PHF3: variants seen among roughly 807,000 people sequenced by gnomAD.
PHF3 encodes the protein PHD finger protein 3.
In PHF3, 41 loss-of-function variants were observed where a neutral mutation model predicts 178.4. That is an observed-to-expected ratio of 0.23 (90% CI 0.18 to 0.30). The LOEUF (loss-of-function observed/expected upper bound fraction) is 0.30. Among genes scored for constraint, PHF3 ranks in the 10% least tolerant of loss-of-function variants. The pLI is 1.00. For missense variants in PHF3, 2,346 were observed against 2,398.1 expected, an observed-to-expected ratio of 0.98 and a Z score of 0.45; for synonymous variants, 842 against 800.5, an observed-to-expected ratio of 1.05 and a Z score of -0.88.
chr6:63,710,503 G>GA (rs910881866), intron 14 of PHF3, among the ~76,000 whole-genome samples: 12 of 151,806 alleles, frequency 7.9e-5, no homozygotes, highest in African/African-American at 2.4e-4. Flanking sequence ...ATACCATCAT[G>GA]AAAAAAAACA....
chr6:63,684,935 G>A lies in PHF3; in HGVS notation c.1213G>A (p.Ala405Thr), dbSNP rs752653189. Residue 405 changes from alanine (A) to threonine (T), a missense_variant, in exon 4 of 16, where the codon GCG becomes ACG. Transcript: ENST00000262043. ...TGAACCGTTGGGTTATTGTGAAGAT[G>A]CGGAGTCTAATAGGCAGTTGGAGAG... is the stretch of plus-strand genomic sequence containing the variant. ...KIEPLGYCED[A>T]ESNRQLESTE... is the part of the protein sequence containing the mutation. The A allele has an allele frequency of 1.2e-6, 2 of 1,614,086 alleles. No homozygotes were observed. Among genetic ancestry groups the A allele is most frequent in the South Asian group, 2.2e-5 (2 of 91,078 alleles).
At chr6:63,670,930 AAT>A (rs1462913191) in intron 2 of PHF3, among the ~76,000 whole-genome samples, 1 of 152,158 alleles carries the variant, frequency 6.6e-6, no homozygotes, top group African/African-American at 2.4e-5. Flanking sequence ...TACTGAAAAA[AAT>A]ATGTGATTCT....
At chr6:63,710,400 G>GAGAT (rs143675274) in intron 14 of PHF3, among the ~76,000 whole-genome samples, 1,800 of 152,214 alleles carry the variant, frequency 0.012, 28 homozygotes, top group African/African-American at 0.042. Context: ...CATTTTATAA[G>GAGAT]AGAGTCATAT....
intron 2 of PHF3, among the ~76,000 whole-genome samples, chr6:63,657,886 T>G (rs1468188736): frequency 1.3e-5 from 2 of 152,186 alleles, no homozygotes; most frequent in South Asian, 4.1e-4. Context: ...TCTAGTCAAG[T>G]TTTGCTGTGG....
Position 63,720,626 on chromosome 6 carries a change from A to T in PHF3, c.*6918A>T, listed in dbSNP as rs137853190. 19 of 1,507,130 alleles carry T rather than the reference A, an allele frequency of 1.3e-5. No individual in the cohort carries two copies. The highest frequency in any genetic ancestry group is 1.7e-4 in the Middle Eastern group (1 of 5,742). The allele number at this position is 1,507,130 out of a possible 1,614,324, so 93.4% of individuals were successfully genotyped here. On this transcript the variant is annotated 3_prime_UTR_variant, in exon 16 of 16. Transcript: ENST00000262043. ...TAACCTCATTTTGTTCATCTCCATC[A>T]TAAACATTGTATCCTTCTAATTTAA...
intron 4 of PHF3, among the ~76,000 whole-genome samples, chr6:63,687,529 T>C (rs1331231654): frequency 1.3e-5 from 2 of 152,178 alleles, no homozygotes; most frequent in Non-Finnish European, 2.9e-5. Flanking sequence ...TAAACCAGCC[T>C]TTTTCTCTCT....
chr6:63,694,048 C>T (rs923359847), intron 5 of PHF3, among the ~76,000 whole-genome samples: 1 of 152,152 alleles, frequency 6.6e-6, no homozygotes, highest in African/African-American at 2.4e-5. Flanking sequence ...GACTATATAG[C>T]GTTCCTCTCC....
Position 63,720,703 on chromosome 6 carries a change from C to T in PHF3, c.*6995C>T. ...AAAAATACAACATCTTTAATTTTGC[C>T]AACAAAATTGGTTTTAAAAATCTCT... is the stretch of plus-strand genomic sequence containing the variant. On this transcript the variant is annotated 3_prime_UTR_variant, in exon 16 of 16. Transcript: ENST00000262043. The T allele has an allele frequency of 1.3e-6, 2 of 1,547,164 alleles. No homozygotes were observed. Among genetic ancestry groups the T allele is most frequent in the Non-Finnish European group, 1.7e-6 (2 of 1,145,120 alleles).
Position 63,674,523 on chromosome 6 carries a change from A to G in PHF3, c.245-5477A>G, listed in dbSNP as rs1192562737. On this transcript the variant is annotated intron_variant, in intron 2 of 15. Transcript: ENST00000262043. ...AACATACAACTCGATGTAGTGTATC[A>G]TACCTCAGCCTCTTTTTGGAGTGAA... 3.3e-5 allele frequency among the ~76,000 whole-genome samples: 5 copies of G among 152,042 alleles called. No individual in the cohort carries two copies. In the East Asian group the frequency reaches 7.8e-4, roughly 24 times the overall value.
chr6:63,681,318 C>A (rs1046943828), intron 3 of PHF3, among the ~76,000 whole-genome samples: 10 of 152,000 alleles, frequency 6.6e-5, no homozygotes, highest in Admixed American at 4.6e-4. Context: ...GAGCTCAAGA[C>A]ACTCAGTAGA....
At chr6:63,711,455 C>G (rs1025979769) in intron 15 of PHF3, 93 bp downstream of exon 15, 1 of 1,353,920 alleles carries the variant, frequency 7.4e-7, no homozygotes, top group South Asian at 1.4e-5. Flanking sequence ...TTCTCAGGAT[C>G]CAGCCCTCTA....
intron 2 of PHF3, among the ~76,000 whole-genome samples, chr6:63,675,174 A>C (rs146769279): frequency 6.6e-6 from 1 of 152,156 alleles, no homozygotes; most frequent in Non-Finnish European, 1.5e-5. Flanking sequence ...GAGTATGATC[A>C]TGGATTTTAT....
intron 4 of PHF3, among the ~76,000 whole-genome samples, chr6:63,687,436 C>A (rs998781920): frequency 1.3e-5 from 2 of 152,126 alleles, no homozygotes; most frequent in African/African-American, 4.8e-5. Flanking sequence ...TAAATGAACA[C>A]ATTACTCAAA....
At chr6:63,704,349 T>C (rs917852737) in intron 11 of PHF3, among the ~76,000 whole-genome samples, 2 of 152,092 alleles carry the variant, frequency 1.3e-5, no homozygotes, top group Non-Finnish European at 2.9e-5. Context: ...TATAGTATTA[T>C]ACAGAGTATT....
intron 2 of PHF3, among the ~76,000 whole-genome samples, chr6:63,658,270 T>C (rs1317888360): frequency 6.6e-6 from 1 of 152,220 alleles, no homozygotes; most frequent in African/African-American, 2.4e-5. Flanking sequence ...TTTTTCATGC[T>C]CTGTTTTAGT....
Position 63,711,631 on chromosome 6 carries a change from G to A in PHF3, c.4043G>A (p.Arg1348His), listed in dbSNP as rs373385489. ...AATCTATTGTTGGGCTTAATTATTC[G>A]TCAGAAACTGAAGCGACAGCACAGT... ...RPNLLLGLII[R>H]QKLKRQHSAC... The change falls in exon 16 of 16, where the codon CGT becomes CAT. Residue 1348 changes from arginine (R) to histidine (H), a missense_variant. By Grantham distance (29) the Arg-to-His change is conservative. Transcript: ENST00000262043. 237 of 1,600,380 alleles carry A rather than the reference G, an allele frequency of 1.5e-4. 1 individual carries two copies. The highest frequency in any genetic ancestry group is 2.0e-4 in the Non-Finnish European group (231 of 1,176,660).
rs980102464 is a variant in PHF3 at position 63,706,648 on chromosome 6, A to G, written c.3564-81A>G. ...CATATTTTGGCCTTCTTCACATGCT[A>G]AAATACGAGTAACTGATGACTAGGT... On this transcript the variant is annotated intron_variant, in intron 12 of 15. Transcript: ENST00000262043. The G allele has an allele frequency of 2.2e-6, 3 of 1,385,022 alleles. No individual in the cohort carries two copies. The African/African-American group carries it at 4.4e-5, about 20-fold the overall frequency. The allele number at this position is 1,385,022 out of a possible 1,614,324, so 85.8% of individuals were successfully genotyped here.
chr6:63,702,409 G>A (rs1393554319), intron 9 of PHF3, 99 bp from the exon 10 acceptor site: 6 of 741,778 alleles, frequency 8.1e-6, no homozygotes, highest in African/African-American at 7.1e-5. Flanking sequence ...GTCATCTGTG[G>A]TGATTTGTTT....
rs1031054623 is a variant in PHF3, at chr6:63,647,237, C to G, written c.244+442C>G. Among the ~76,000 whole-genome samples the G allele has an allele frequency of 2.6e-5, 4 of 151,882 alleles. No individual in the cohort carries two copies. The South Asian group carries it at 6.2e-4, about 24-fold the overall frequency. On this transcript the variant is annotated intron_variant, in intron 2 of 15. Transcript: ENST00000262043. Reference sequence around the variant, plus strand: ...GACCTTTCTCAGCATACCTCCCAGCCCCTGAAATATTTACATTGTTTGCTC... The same window carrying G: ...GACCTTTCTCAGCATACCTCCCAGCGCCTGAAATATTTACATTGTTTGCTC...
Sources: allele counts gnomAD v4.1 joint callset (sites outside exome capture counted in the v4.1 genomes callset), GRCh38; gene constraint gnomAD v4.1.1; transcripts MANE v1.5; gene names NCBI Gene and HGNC (gene_info 2026-07-23, HGNC 2026-07-21).